The following EIF4E2 variants were observed in gnomAD, a reference collection of about 807,000 sequenced individuals.
EIF4E2 encodes eukaryotic translation initiation factor 4E type 2.
In EIF4E2, 13 loss-of-function variants were observed where a neutral mutation model predicts 34.2. The ratio of observed to expected loss-of-function variants is 0.38; its 90% CI spans 0.25 to 0.60. The LOEUF is 0.60. Ranked by LOEUF, EIF4E2 falls within the 20% of genes least tolerant of loss-of-function variation. EIF4E2 has a pLI of 0.62. For synonymous variants in EIF4E2, 100 were observed against 106.6 expected (o/e 0.94, Z 0.38); for missense variants, 222 against 315.1 (o/e 0.70, Z 2.24).
downstream of EIF4E2, among the ~76,000 whole-genome samples, chr2:232,570,800 G>T (rs1215669131): frequency 6.6e-6 from 1 of 152,214 alleles, no homozygotes; most frequent in Non-Finnish European, 1.5e-5. Flanking sequence ...GCCGGGCATA[G>T]TGGCAGGTGC....
Position 232,551,242 on chromosome 2 carries a change from G to T in EIF4E2, c.20+498G>T, listed in dbSNP as rs545025432. On this transcript the variant is annotated intron_variant, in intron 1 of 6. Coordinates refer to ENST00000258416, the MANE Select transcript of EIF4E2 (RefSeq NM_004846.4). Reference sequence around the variant, plus strand: ...AGGTAATGTGGTTGCTGCCCTCGACGCGGTGGAAGGCTGGCTTAGGAATTA... The same window carrying T: ...AGGTAATGTGGTTGCTGCCCTCGACTCGGTGGAAGGCTGGCTTAGGAATTA... The T allele has an allele frequency of 2.1e-5, 10 of 473,860 alleles. No homozygotes were observed. In the East Asian group the frequency reaches 6.9e-4, roughly 33 times the overall value. The allele number at this position is 473,860 out of a possible 1,614,324, so 29.4% of individuals were successfully genotyped here.
chr2:232,556,308 G>T, intron 1 of EIF4E2, 108 bp from the exon 2 acceptor site: 1 of 811,168 alleles, frequency 1.2e-6, no homozygotes. Flanking sequence ...GCCTGAATTT[G>T]AGTGACTTTG....
intron 6 of EIF4E2, chr2:232,567,864 C>T: frequency 1.0e-6 from 1 of 985,454 alleles, no homozygotes; most frequent in Non-Finnish European, 1.2e-6. Context: ...CAGAAGTAAG[C>T]TCAGGCTATT....
chr2:232,577,870 A>G (rs143908765), intron 6 of EIF4E2, among the ~76,000 whole-genome samples: 10 of 152,310 alleles, frequency 6.6e-5, no homozygotes, highest in Middle Eastern at 3.4e-3. Flanking sequence ...GATTTGCTAA[A>G]TTTTAGTTTG....
chr2:232,565,606 C>A (rs1200258685), intron 4 of EIF4E2, among the ~76,000 whole-genome samples: 1 of 151,396 alleles, frequency 6.6e-6, no homozygotes, highest in African/African-American at 2.4e-5. Flanking sequence ...TGCACTCCAG[C>A]CTGGGTGACA....
chr2:232,574,199 C>A, downstream of EIF4E2: 4 of 1,483,950 alleles, frequency 2.7e-6, no homozygotes, highest in Non-Finnish European at 3.7e-6. Flanking sequence ...ATTGTGTCTG[C>A]TCTCTGTGTT....
At chr2:232,550,987 T>C in intron 1 of EIF4E2, 1 of 612,112 alleles carries the variant, frequency 1.6e-6, no homozygotes, top group Non-Finnish European at 2.9e-6. Context: ...GAGGGGTGGC[T>C]GTGCCGCCCG....
In EIF4E2 at chr2:232,566,433, G is replaced by A. The variant is rs1409750995; in HGVS notation, c.376-396G>A. Among the ~76,000 whole-genome samples the A allele has an allele frequency of 2.6e-5, 4 of 152,154 alleles. No homozygotes were observed. The highest frequency in any genetic ancestry group is 9.7e-5 in the African/African-American group (4 of 41,438). On this transcript the variant is annotated intron_variant, in intron 4 of 6. Transcript: ENST00000258416. The surrounding 1 kb of genome is among the most constrained non-coding windows in gnomAD (Gnocchi z 4.9). The stretch of plus-strand genomic sequence containing the variant: ...TCTCGATCTCCTCACCTCGTGATTC[G>A]CCCACCTCAGCCTTCCAAAGTGTTG...
intron 6 of EIF4E2, among the ~76,000 whole-genome samples, chr2:232,575,678 T>C (rs1248207180): frequency 1.3e-5 from 2 of 152,206 alleles, no homozygotes; most frequent in African/African-American, 2.4e-5. Context: ...GCTGCTAGTA[T>C]ACACAAAGAG....
At position 232,569,202 on chromosome 2, in the gene EIF4E2, G is replaced by T; in HGVS notation, c.*185G>T. 7.0e-7 allele frequency: 1 copy of T among 1,425,946 alleles called. No individual in the cohort carries two copies. The highest frequency in any genetic ancestry group is 9.2e-7 in the Non-Finnish European group (1 of 1,092,430). 88.3% of individuals were successfully genotyped at this position (1,425,946 alleles called of 1,614,324 possible). A position where few individuals can be genotyped will look rare whatever the true frequency, so the allele number is the denominator to read the frequency against. On this transcript the variant is annotated 3_prime_UTR_variant, in exon 7 of 7. Transcript: ENST00000258416. Reference sequence around the variant, plus strand: ...CAGCTGAGATCACTTAATAAATGGTGCTAAACTAGCTTGTCTCATGCTCTT... The same window carrying T: ...CAGCTGAGATCACTTAATAAATGGTTCTAAACTAGCTTGTCTCATGCTCTT...
At chr2:232,565,530 A>G (rs1305834822) in intron 4 of EIF4E2, among the ~76,000 whole-genome samples, 1 of 152,030 alleles carries the variant, frequency 6.6e-6, no homozygotes, top group African/African-American at 2.4e-5. Flanking sequence ...GCTACTCGGG[A>G]GGCTGAGACA....
intron 6 of EIF4E2, among the ~76,000 whole-genome samples, chr2:232,576,192 G>C (rs1693214284): frequency 2.2e-5 from 3 of 133,880 alleles, no homozygotes; most frequent in Non-Finnish European, 4.9e-5. Flanking sequence ...AACAGAGCGA[G>C]ACTCCATCTC....
intron 4 of EIF4E2, 67 bp downstream of exon 4, chr2:232,564,418 C>A: frequency 1.2e-6 from 1 of 835,098 alleles, no homozygotes; most frequent in Non-Finnish European, 1.9e-6. Flanking sequence ...GTCTCTTAGC[C>A]CTGCCAAGGT....
intron 3 of EIF4E2, among the ~76,000 whole-genome samples, chr2:232,559,254 A>AG (rs34649103): frequency 0.3 from 43,946 of 148,158 alleles, 7,027 homozygotes; most frequent in Admixed American, 0.4. Context: ...GTGTAGTTGT[A>AG]TGCTAGATAT....
chr2:232,572,586 C>T (rs1693117358), downstream of EIF4E2, among the ~76,000 whole-genome samples: 1 of 152,092 alleles, frequency 6.6e-6, no homozygotes, highest in South Asian at 2.1e-4. Context: ...AGGCTGGTCT[C>T]GAACTCCTGA....
At chr2:232,569,339 T>C (rs1429510778), downstream of EIF4E2, 25 of 930,442 alleles carry the variant, frequency 2.7e-5, no homozygotes, top group Non-Finnish European at 3.3e-5. Context: ...CTCATTTCCA[T>C]AAGCCCATTG....
intron 1 of EIF4E2, among the ~76,000 whole-genome samples, chr2:232,554,809 A>T (rs564497947): frequency 2.0e-5 from 3 of 152,244 alleles, no homozygotes; most frequent in Non-Finnish European, 4.4e-5. Context: ...CTTTTCTTGC[A>T]TGGGGCCCAT....
At chr2:232,567,055 G>A in intron 5 of EIF4E2, 23 bp from the exon 6 acceptor site, 1 of 1,609,512 alleles carries the variant, frequency 6.2e-7, no homozygotes, top group Non-Finnish European at 8.5e-7. Context: ...TTGCTTTGAT[G>A]ATTCCTTCTG....
downstream of EIF4E2, among the ~76,000 whole-genome samples, chr2:232,569,450 T>C (rs78708226): frequency 1.0e-3 from 154 of 152,302 alleles, 1 homozygote; most frequent in African/African-American, 3.6e-3. Flanking sequence ...GTACTTAAAT[T>C]TGAGTTCCCA....
Sources: allele counts gnomAD v4.1 joint callset (sites outside exome capture counted in the v4.1 genomes callset), GRCh38; gene constraint gnomAD v4.1.1; non-coding constraint Gnocchi (gnomAD v3.1); transcripts MANE v1.5; gene names NCBI Gene and HGNC (gene_info 2026-07-23, HGNC 2026-07-21).